Variants in EYS observed in about 807,000 individuals in gnomAD.
EYS encodes the protein EGF-like photoreceptor maintenance factor, also known as protein eyes shut homolog.
In EYS, 250 loss-of-function variants were observed where a neutral mutation model predicts 282.1. That is an observed-to-expected ratio of 0.89 (90% CI 0.80 to 0.98). The LOEUF (loss-of-function observed/expected upper bound fraction) is 0.98, where lower values mean the gene tolerates loss of function less well. EYS is among the 50% of genes least tolerant of loss of function. The pLI is 0.00. For missense variants in EYS, 4,016 were observed against 3,709.0 expected, an observed-to-expected ratio of 1.08 and a Z score of -2.15; for synonymous variants, 1,355 against 1,282.9, an observed-to-expected ratio of 1.06 and a Z score of -1.20.
intron 18 of EYS, among the ~76,000 whole-genome samples, chr6:64,898,769 A>C (rs1767556174): frequency 6.6e-6 from 1 of 150,964 alleles, no homozygotes; most frequent in Non-Finnish European, 1.5e-5. Flanking sequence ...ATTTACCAAC[A>C]AATGGAAATC....
intron 33 of EYS, among the ~76,000 whole-genome samples, chr6:64,019,216 C>T (rs1019358418): frequency 4.6e-5 from 7 of 152,104 alleles, no homozygotes; most frequent in Non-Finnish European, 7.4e-5. Context: ...AGTTGGCAGA[C>T]GCTGGAAGAG....
chr6:64,231,956 T>TA (rs1464901809), intron 30 of EYS, among the ~76,000 whole-genome samples: 1 of 152,162 alleles, frequency 6.6e-6, no homozygotes, highest in African/African-American at 2.4e-5. Flanking sequence ...GTCATAAAGA[T>TA]AAAACCTTAG....
chr6:65,006,526 A>AAAAAAC (rs1255858579), intron 13 of EYS, among the ~76,000 whole-genome samples: 1 of 83,230 alleles, frequency 1.2e-5, no homozygotes, highest in Non-Finnish European at 2.4e-5. Flanking sequence ...AAAAAAAAGC[A>AAAAAAC]AAAAGGTAGC....
intron 32 of EYS, among the ~76,000 whole-genome samples, chr6:64,072,230 T>C (rs1771608349): frequency 6.6e-6 from 1 of 152,022 alleles, no homozygotes; most frequent in African/African-American, 2.4e-5. Flanking sequence ...GAGATCCTTC[T>C]AAATGTCCTA....
At chr6:65,076,523 C>A (rs1774055803) in intron 12 of EYS, among the ~76,000 whole-genome samples, 1 of 151,830 alleles carries the variant, frequency 6.6e-6, no homozygotes, top group African/African-American at 2.4e-5. Context: ...AAATGGAAAT[C>A]CTGGGATATA....
At chr6:65,470,815 G>A (rs1231497226) in intron 5 of EYS, among the ~76,000 whole-genome samples, 6 of 152,010 alleles carry the variant, frequency 3.9e-5, no homozygotes, top group Admixed American at 1.3e-4. Context: ...TTACCTACAC[G>A]CCAAAGTCAC....
At position 65,033,100 on chromosome 6, in the gene EYS, T is replaced by C. The variant is rs79227807; in HGVS notation, c.2137+24514A>G. Among the ~76,000 whole-genome samples, 790 of 152,284 alleles carry C rather than the reference T, an allele frequency of 5.2e-3. 8 individuals carry two copies. The highest frequency in any genetic ancestry group is 0.018 in the African/African-American group (738 of 41,576). On this transcript the variant is annotated intron_variant, in intron 13 of 42. Transcript: ENST00000503581. ...ATCAAGAGTGATAATTTAGAATACCTGGCAGAGGAAATTTCTAAGCAGCCA... is the reference window on the plus strand; with the variant it reads ...ATCAAGAGTGATAATTTAGAATACCCGGCAGAGGAAATTTCTAAGCAGCCA...
chr6:65,258,623 T>C (rs538475490), intron 12 of EYS, among the ~76,000 whole-genome samples: 1 of 152,018 alleles, frequency 6.6e-6, no homozygotes, highest in Admixed American at 6.6e-5. Flanking sequence ...GGTTAAAAAC[T>C]AATAAAACTC....
At chr6:64,363,954 C>T (rs1772108868) in intron 29 of EYS, among the ~76,000 whole-genome samples, 1 of 151,878 alleles carries the variant, frequency 6.6e-6, no homozygotes, top group Admixed American at 6.6e-5. Flanking sequence ...CCATAAACCC[C>T]ACATTTTTAA....
intron 26 of EYS, among the ~76,000 whole-genome samples, chr6:64,478,407 T>A (rs1215709705): frequency 6.6e-6 from 1 of 151,670 alleles, no homozygotes; most frequent in African/African-American, 2.4e-5. Context: ...TTTAGACAAT[T>A]TTAATATTTA....
At chr6:63,919,039 AC>A in intron 35 of EYS, among the ~76,000 whole-genome samples, 1 of 152,300 alleles carries the variant, frequency 6.6e-6, no homozygotes, top group South Asian at 2.1e-4. Context: ...TTCAGCAGCG[AC>A]TTTCTTCAAA....
chr6:64,925,372 ACT>A (rs1267161230), intron 15 of EYS, among the ~76,000 whole-genome samples: 1 of 151,916 alleles, frequency 6.6e-6, no homozygotes, highest in African/African-American at 2.4e-5. Flanking sequence ...GCACAACCAA[ACT>A]CTATCAGTGG....
At chr6:64,688,735 T>C (rs1770255183) in intron 22 of EYS, among the ~76,000 whole-genome samples, 1 of 152,180 alleles carries the variant, frequency 6.6e-6, no homozygotes, top group South Asian at 2.1e-4. Flanking sequence ...AGATGTCTAT[T>C]AGGTCCGCTT....
At chr6:65,560,302 AAT>A (rs1221458836) in intron 2 of EYS, among the ~76,000 whole-genome samples, 8 of 140,098 alleles carry the variant, frequency 5.7e-5, no homozygotes, top group Admixed American at 7.5e-5. Flanking sequence ...AACATATAAT[AAT>A]ATATAATATA....
At chr6:64,216,639 C>T (rs976208952) in intron 31 of EYS, among the ~76,000 whole-genome samples, 3 of 152,202 alleles carry the variant, frequency 2.0e-5, no homozygotes, top group Admixed American at 1.3e-4. Context: ...GATTCTGCTT[C>T]TCAGAGAACA....
intron 2 of EYS, among the ~76,000 whole-genome samples, chr6:65,506,828 A>T (rs1023016776): frequency 1.8e-4 from 27 of 152,070 alleles, no homozygotes; most frequent in Middle Eastern, 3.2e-3. Context: ...ATTCTGCTTC[A>T]TGTGTAGCAC....
chr6:65,061,167 T>C (rs1460932434), intron 12 of EYS, among the ~76,000 whole-genome samples: 1 of 151,950 alleles, frequency 6.6e-6, no homozygotes, highest in East Asian at 1.9e-4. Context: ...GTATATAATT[T>C]TAGAGCTTTT....
intron 35 of EYS, among the ~76,000 whole-genome samples, chr6:63,959,360 C>T (rs1010419253): frequency 2.0e-5 from 3 of 152,082 alleles, no homozygotes; most frequent in African/African-American, 7.2e-5. Context: ...AGTCAAGAAA[C>T]AATAGATGCT....
At chr6:64,133,594 A>C (rs952463540) in intron 31 of EYS, among the ~76,000 whole-genome samples, 3 of 152,048 alleles carry the variant, frequency 2.0e-5, no homozygotes, top group African/African-American at 7.2e-5. Flanking sequence ...ATTTATATGC[A>C]CACATGTTTT....
Sources: gnomAD v4.1 joint callset for allele counts (sites outside exome capture counted in the v4.1 genomes callset) on GRCh38, gnomAD v4.1.1 for gene constraint, MANE v1.5 for transcripts, NCBI Gene and HGNC (gene_info 2026-07-23, HGNC 2026-07-21) for gene names.